Variants in FXR1 observed in about 807,000 individuals in gnomAD.
FXR1 encodes the protein FMR1 autosomal homolog 1.
In FXR1, 15 loss-of-function variants were observed where a neutral mutation model predicts 84.0. That is an observed-to-expected ratio of 0.18 (90% CI 0.12 to 0.27). The LOEUF (loss-of-function observed/expected upper bound fraction) is 0.27. Among genes scored for constraint, FXR1 ranks in the 10% least tolerant of loss-of-function variants. The pLI is 1.00. For synonymous variants in FXR1, 245 were observed against 250.7 expected (o/e 0.98, Z 0.21); for missense variants, 480 against 774.4 (o/e 0.62, Z 4.51).
rs569362122 is a variant in FXR1, at chr3:180,969,073, A to G, written c.1402+819A>G. On this transcript the variant is annotated intron_variant, in intron 14 of 16. Coordinates refer to ENST00000357559, the MANE Select transcript of FXR1 (RefSeq NM_005087.4). ...GTAGATACATTAAATATAGATGCCAACTGTGCTTACAAATTACAAAAACTG... is the reference window on the plus strand; with the variant it reads ...GTAGATACATTAAATATAGATGCCAGCTGTGCTTACAAATTACAAAAACTG... Among the ~76,000 whole-genome samples the G allele has an allele frequency of 8.6e-5, 13 of 152,000 alleles. No homozygotes were observed. The East Asian group carries it at 1.6e-3, about 18-fold the overall frequency.
intron 1 of FXR1, chr3:180,927,744 A>T: frequency 2.3e-6 from 1 of 439,212 alleles, no homozygotes; most frequent in Non-Finnish European, 4.0e-6. Context: ...AGTTCAGAAC[A>T]AATTGTAGCA....
chr3:180,967,978 A>G, intron 13 of FXR1, 73 bp from the exon 14 acceptor site: 1 of 924,216 alleles, frequency 1.1e-6, no homozygotes, highest in Admixed American at 1.8e-5. Context: ...AATAATTTGT[A>G]GGACATAATT....
In FXR1 at chr3:180,977,006, A is replaced by G. The variant is rs1262097376; in HGVS notation, c.*714A>G. 6.6e-6 allele frequency: 1 copy of G among 152,382 alleles called. No homozygotes were observed. Among genetic ancestry groups the G allele is most frequent in the Non-Finnish European group, 1.5e-5 (1 of 67,966 alleles). 9.4% of individuals were successfully genotyped at this position (152,382 alleles called of 1,614,324 possible). On this transcript the variant is annotated 3_prime_UTR_variant, in exon 17 of 17. Transcript: ENST00000357559. ...AGACATAACCTGAACTACTGAAAAG[A>G]TCAATTTCCAGAAGGTTTATTCTGT...
At chr3:180,957,687 G>A in intron 9 of FXR1, 132 bp from the exon 10 acceptor site, 1 of 548,692 alleles carries the variant, frequency 1.8e-6, no homozygotes, top group Non-Finnish European at 3.3e-6. Flanking sequence ...CGAGTTAATT[G>A]ATAGTAAAAA....
intron 3 of FXR1, among the ~76,000 whole-genome samples, chr3:180,939,886 A>G (rs1214354767): frequency 6.6e-6 from 1 of 152,218 alleles, no homozygotes; most frequent in Non-Finnish European, 1.5e-5. Flanking sequence ...GAGCTTTATT[A>G]AGCTTGTAAG....
chr3:180,936,464 C>T (rs565147059), intron 3 of FXR1, among the ~76,000 whole-genome samples: 6 of 151,984 alleles, frequency 3.9e-5, no homozygotes, highest in African/African-American at 9.7e-5. Flanking sequence ...GACAGGGTTT[C>T]GCCTTGTTGG....
chr3:180,969,704 A>G (rs897119624), intron 14 of FXR1, among the ~76,000 whole-genome samples: 2 of 152,244 alleles, frequency 1.3e-5, no homozygotes, highest in Admixed American at 6.5e-5. Flanking sequence ...GTCCATCAAC[A>G]TCAACACAAC....
chr3:180,963,127 G>A, intron 13 of FXR1, 37 bp downstream of exon 13: 1 of 785,436 alleles, frequency 1.3e-6, no homozygotes, highest in Non-Finnish European at 2.1e-6. Context: ...TTTGGTAATA[G>A]TAATAATAGT....
intron 6 of FXR1, 84 bp from the exon 7 acceptor site, chr3:180,949,143 A>G (rs1721972004): frequency 1.3e-6 from 1 of 787,646 alleles, no homozygotes; most frequent in Non-Finnish European, 2.3e-6. Flanking sequence ...GAAGCAAGGA[A>G]GGCTTTGCAT....
chr3:180,928,368 C>T (rs1316429178), intron 1 of FXR1, among the ~76,000 whole-genome samples: 2 of 100,646 alleles, frequency 2.0e-5, no homozygotes, highest in East Asian at 3.6e-4. Flanking sequence ...CCCATCCCAG[C>T]CCCCCCACCC....
At chr3:180,953,881 T>C (rs1165226850) in intron 9 of FXR1, 41 bp downstream of exon 9, 5 of 1,008,332 alleles carry the variant, frequency 5.0e-6, no homozygotes, top group Non-Finnish European at 7.8e-6. Context: ...TAATAAACAT[T>C]ATTTAGTTAC....
intron 13 of FXR1, among the ~76,000 whole-genome samples, chr3:180,967,068 G>C (rs1256698516): frequency 6.6e-6 from 1 of 152,174 alleles, no homozygotes; most frequent in Non-Finnish European, 1.5e-5. Flanking sequence ...TGTCTCACTG[G>C]TCATGGCTTC....
chr3:180,920,816 T>C (rs752646188), intron 1 of FXR1, among the ~76,000 whole-genome samples: 18 of 152,104 alleles, frequency 1.2e-4, no homozygotes, highest in Admixed American at 3.3e-4. Flanking sequence ...CGGCCCAGAA[T>C]AGTTTTGGGT....
intron 1 of FXR1, among the ~76,000 whole-genome samples, chr3:180,922,494 T>G (rs1190105768): frequency 6.6e-6 from 1 of 152,228 alleles, no homozygotes; most frequent in Non-Finnish European, 1.5e-5. Context: ...GCCTGTCTTT[T>G]GCCCATTTTT....
intron 13 of FXR1, 138 bp from the exon 14 acceptor site, chr3:180,967,913 T>G: frequency 1.6e-6 from 1 of 624,954 alleles, no homozygotes; most frequent in South Asian, 2.0e-5. Flanking sequence ...TCAGATTGAT[T>G]TTAACTTTCA....
At chr3:180,957,770 G>A in intron 9 of FXR1, 49 bp from the exon 10 acceptor site, 1 of 816,142 alleles carries the variant, frequency 1.2e-6, no homozygotes, top group Non-Finnish European at 2.0e-6. Flanking sequence ...TGAAAGAATA[G>A]CAGAATTGAG....
chr3:180,920,984 T>C (rs1014769348), intron 1 of FXR1, among the ~76,000 whole-genome samples: 1 of 152,206 alleles, frequency 6.6e-6, no homozygotes, highest in Admixed American at 6.5e-5. Flanking sequence ...CTCATTGTCC[T>C]TTTTCTTTTT....
At chr3:180,949,755 G>A (rs1172979027) in intron 7 of FXR1, among the ~76,000 whole-genome samples, 1 of 152,172 alleles carries the variant, frequency 6.6e-6, no homozygotes, top group African/African-American at 2.4e-5. Context: ...TTTCGTGACT[G>A]TTTGGAGTTG....
intron 3 of FXR1, among the ~76,000 whole-genome samples, chr3:180,939,347 T>C (rs1271690180): frequency 6.6e-6 from 1 of 152,170 alleles, no homozygotes. Flanking sequence ...ATAAACACTT[T>C]TTCTTAAAAT....
Sources: allele counts gnomAD v4.1 joint callset (sites outside exome capture counted in the v4.1 genomes callset), GRCh38; gene constraint gnomAD v4.1.1; transcripts MANE v1.5; gene names NCBI Gene and HGNC (gene_info 2026-07-23, HGNC 2026-07-21).